Variants in NUP205 observed in about 807,000 individuals in gnomAD.
The protein encoded by NUP205 is nuclear pore complex protein Nup205.
In NUP205, 76 loss-of-function variants were observed where a neutral mutation model predicts 253.8. That is an observed-to-expected ratio of 0.30 (90% confidence interval 0.25 to 0.36). NUP205 has a LOEUF of 0.36. Among genes scored for constraint, NUP205 ranks in the 10% least tolerant of loss-of-function variants. The probability of loss-of-function intolerance (pLI) is 1.00; values close to 1 mark genes in which losing one functional copy is unlikely to be tolerated. For missense variants in NUP205, 2,162 were observed against 2,425.5 expected, an observed-to-expected ratio of 0.89 and a Z score of 2.28; for synonymous variants, 832 against 850.1, an observed-to-expected ratio of 0.98 and a Z score of 0.37.
intron 34 of NUP205, among the ~76,000 whole-genome samples, chr7:135,628,494 C>T (rs1794640967): frequency 4.6e-5 from 7 of 152,114 alleles, no homozygotes; most frequent in Admixed American, 4.6e-4. Context: ...GCCTGTAATC[C>T]CAGCACTTCG....
Position 135,570,793 on chromosome 7 carries a change from T to TATTATATTAATATATATTG in NUP205, c.29-294_29-293insGATTATATTAATATATATT, listed in dbSNP as rs1563110171. Among the ~76,000 whole-genome samples, 42 of 96,340 alleles carry TATTATATTAATATATATTG rather than the reference T, an allele frequency of 4.4e-4. 1 individual carries two copies. The highest frequency in any genetic ancestry group is 7.1e-4 in the Non-Finnish European group (35 of 49,432). 63.2% of individuals were successfully genotyped at this position (96,340 alleles called of 152,430 possible). ...TTAATATATATTAATTATATTTATATATTATATTAATATATATTAATTATA... is the reference window on the plus strand; with the variant it reads ...TTAATATATATTAATTATATTTATATATTATATTAATATATATTGATTATATTAATATATATTAATTATA... On this transcript the variant is annotated intron_variant, in intron 1 of 42. Coordinates refer to ENST00000285968, the MANE Select transcript of NUP205 (RefSeq NM_015135.3).
chr7:135,594,021 A>C (rs976255617), intron 12 of NUP205, among the ~76,000 whole-genome samples: 1 of 152,198 alleles, frequency 6.6e-6, no homozygotes, highest in African/African-American at 2.4e-5. Flanking sequence ...TGGATATCCT[A>C]ATTACCCTGA....
rs9656459 is a variant in NUP205, at chr7:135,564,723, C to T, written c.29-6382C>T. Among the ~76,000 whole-genome samples, 92 of 151,328 alleles carry T rather than the reference C, an allele frequency of 6.1e-4. 1 individual carries two copies. The highest frequency in any genetic ancestry group is 2.1e-3 in the African/African-American group (85 of 41,148). On this transcript the variant is annotated intron_variant, in intron 1 of 42. Coordinates refer to ENST00000285968, the MANE Select transcript of NUP205 (RefSeq NM_015135.3). ...TTTGATGCTATGTTGATATTAATGA[C>T]GAACTAAGTAGGCCAGTGAACCTGT...
At chr7:135,612,691 A>G (rs1174221045) in intron 22 of NUP205, among the ~76,000 whole-genome samples, 1 of 152,176 alleles carries the variant, frequency 6.6e-6, no homozygotes, top group Non-Finnish European at 1.5e-5. Flanking sequence ...ATGAAGGACC[A>G]TGGAAGCACT....
Position 135,591,499 on chromosome 7 carries a change from C to T in NUP205, c.1523C>T (p.Thr508Ile). The change falls in exon 11 of 43, where the codon ACT (threonine) becomes ATT (isoleucine). Residue 508 changes from threonine (T) to isoleucine (I), a missense_variant. Physicochemically the swap from Thr to Ile is moderately conservative, Grantham distance 89 (BLOSUM62 -1). Coordinates refer to ENST00000285968, the MANE Select transcript of NUP205 (RefSeq NM_015135.3). ...VRQMGDLLPP[T>I]IYIPYLKMLQ... is the part of the protein sequence containing the mutation. The stretch of plus-strand genomic sequence containing the variant: ...CAAATGGGTGACCTGTTGCCTCCAA[C>T]TATTTATATTCCTTATTTGAAGATG... 6.2e-7 allele frequency: 1 copy of T among 1,613,942 alleles called. No individual in the cohort carries two copies. The highest frequency in any genetic ancestry group is 1.1e-5 in the South Asian group (1 of 91,080).
intron 1 of NUP205, among the ~76,000 whole-genome samples, chr7:135,558,563 T>G (rs1805497405): frequency 6.6e-6 from 1 of 152,168 alleles, no homozygotes; most frequent in Admixed American, 6.5e-5. Context: ...CGGGGTGGAA[T>G]TGAATCTAGA....
At chr7:135,602,205 T>C (rs1220949290) in intron 17 of NUP205, among the ~76,000 whole-genome samples, 1 of 152,226 alleles carries the variant, frequency 6.6e-6, no homozygotes, top group African/African-American at 2.4e-5. Context: ...ATAGTCAGAA[T>C]ATACAGATAA....
Position 135,601,489 on chromosome 7 carries a change from A to T in NUP205, c.2494A>T (p.Thr832Ser), listed in dbSNP as rs1793964147. 1.2e-6 allele frequency: 2 copies of T among 1,613,358 alleles called. No individual in the cohort carries two copies. The highest frequency in any genetic ancestry group is 2.2e-5 in the South Asian group (2 of 90,978). The change falls in exon 17 of 43, where the codon ACC (threonine) becomes TCC (serine). Residue 832 changes from threonine (T) to serine (S), a missense_variant. This residue lies in a region of NUP205 where 892 missense variants were observed against 957.1 expected (regional missense o/e 0.93). Coordinates refer to ENST00000285968, the MANE Select transcript of NUP205 (RefSeq NM_015135.3). ...LLEEGVKQLD[T>S]YAPFPGKKHL... ...GGAAGAAGGAGTTAAGCAGCTTGAC[A>T]CCTATGCCCCCTTTCCTGGTATATG...
intron 7 of NUP205, among the ~76,000 whole-genome samples, chr7:135,583,155 A>G (rs184499895): frequency 6.6e-6 from 1 of 152,284 alleles, no homozygotes; most frequent in East Asian, 1.9e-4. Context: ...TCTGTTTGAG[A>G]CTATCTTGGC....
At chr7:135,643,941 C>G (rs6975251) in intron 39 of NUP205, among the ~76,000 whole-genome samples, 32,180 of 152,158 alleles carry the variant, frequency 0.21, 3,516 homozygotes, top group South Asian at 0.31. Context: ...GGTGTCCTGT[C>G]GCAGCCTGAA....
chr7:135,621,309 C>T (rs1323737405), intron 30 of NUP205, among the ~76,000 whole-genome samples: 1 of 152,164 alleles, frequency 6.6e-6, no homozygotes, highest in African/African-American at 2.4e-5. Flanking sequence ...GTTTTTTAAG[C>T]AAACATGAGC....
At chr7:135,627,880 C>A in intron 33 of NUP205, 93 bp from the exon 34 acceptor site, 1 of 1,266,604 alleles carries the variant, frequency 7.9e-7, no homozygotes, top group Non-Finnish European at 1.1e-6. Context: ...CTTAATCAGC[C>A]GGCTCTGATT....
Position 135,573,719 on chromosome 7 carries a change from T to C in NUP205, c.237T>C (p.Gly79=), listed in dbSNP as rs759024544. 1 of 1,613,836 alleles carries C rather than the reference T, an allele frequency of 6.2e-7. No homozygotes were observed. The highest frequency in any genetic ancestry group is 1.1e-5 in the South Asian group (1 of 91,054). Residue 79 remains glycine (G), a synonymous_variant, in exon 3 of 43, where the codon GGT becomes GGC. Coordinates refer to ENST00000285968, the MANE Select transcript of NUP205 (RefSeq NM_015135.3). ...KASTEGVAIQ[G]QQGTRLLPEQ... is the part of the protein sequence containing the mutation. ...GTACAGAGGGAGTCGCCATTCAGGG[T>C]CAACAGGGAACTCGACTTCTTCCTG...
chr7:135,568,256 G>C (rs1805840200), intron 1 of NUP205, among the ~76,000 whole-genome samples: 1 of 151,406 alleles, frequency 6.6e-6, no homozygotes. Flanking sequence ...TCAATTTAGT[G>C]GGCCCCTCAC....
chr7:135,574,827 T>A (rs60835195), intron 3 of NUP205, among the ~76,000 whole-genome samples: 5,169 of 152,330 alleles, frequency 0.034, 118 homozygotes, highest in Middle Eastern at 0.1. Context: ...GTTTTAATTA[T>A]AATGGAGGAG....
intron 38 of NUP205, among the ~76,000 whole-genome samples, chr7:135,642,354 A>ATT (rs370739472): frequency 2.0e-5 from 3 of 149,456 alleles, no homozygotes; most frequent in Non-Finnish European, 4.5e-5. Context: ...CTCTAGGATG[A>ATT]TTTTTTTTTT....
chr7:135,635,387 G>T, intron 35 of NUP205, 194 bp from the exon 36 acceptor site: 1 of 365,916 alleles, frequency 2.7e-6, no homozygotes, highest in Non-Finnish European at 4.9e-6. Flanking sequence ...CTTTGAATGC[G>T]CATGTACCGG....
At chr7:135,601,903 T>G (rs991530010) in intron 17 of NUP205, among the ~76,000 whole-genome samples, 1 of 152,268 alleles carries the variant, frequency 6.6e-6, no homozygotes, top group Non-Finnish European at 1.5e-5. Context: ...CTAATTATTA[T>G]TTATTGAATG....
chr7:135,595,022 C>A (rs1290276165), intron 13 of NUP205, among the ~76,000 whole-genome samples: 1 of 152,062 alleles, frequency 6.6e-6, no homozygotes, highest in Admixed American at 6.6e-5. Context: ...CAGAATTTGT[C>A]CACTCTGTCT....
Sources: gnomAD v4.1 joint callset for allele counts (sites outside exome capture counted in the v4.1 genomes callset) on GRCh38, gnomAD v4.1.1 for gene constraint, gnomAD v4.1.1 regional missense constraint, MANE v1.5 for transcripts, NCBI Gene and HGNC (gene_info 2026-07-23, HGNC 2026-07-21) for gene names.